ABCA13: variants seen among roughly 807,000 people sequenced by gnomAD.
The protein encoded by ABCA13 is ATP-binding cassette sub-family A member 13.
A neutral mutation model predicts 478.7 loss-of-function variants in ABCA13; 476 were observed. The observed-to-expected ratio is 0.99, with a 90% CI of 0.92 to 1.07. The LOEUF is 1.07. Ranked by LOEUF, ABCA13 falls within the 50% of genes least tolerant of loss-of-function variation. The pLI is 0.00. For missense variants in ABCA13, 6,060 were observed against 5,910.6 expected (o/e 1.03, Z -0.83); for synonymous variants, 2,252 against 2,158.9 (o/e 1.04, Z -1.20).
chr7:48,511,396 G>A (rs1329020462), intron 51 of ABCA13, among the ~76,000 whole-genome samples, 197 bp downstream of exon 51: 1 of 152,172 alleles, frequency 6.6e-6, no homozygotes, highest in Non-Finnish European at 1.5e-5. Flanking sequence ...GGGCTGACCT[G>A]GTCGTGATGA....
intron 37 of ABCA13, among the ~76,000 whole-genome samples, chr7:48,389,448 G>T (rs923236029): frequency 6.6e-6 from 1 of 152,096 alleles, no homozygotes; most frequent in Non-Finnish European, 1.5e-5. Context: ...TCAGTCAAAG[G>T]GGTAGTGGTG....
At chr7:48,335,132 G>T (rs564782673) in intron 27 of ABCA13, among the ~76,000 whole-genome samples, 1 of 152,298 alleles carries the variant, frequency 6.6e-6, no homozygotes, top group South Asian at 2.1e-4. Flanking sequence ...GATTAATTTG[G>T]TCAGTATATA....
intron 29 of ABCA13, 79 bp from the exon 30 acceptor site, chr7:48,350,564 G>T: frequency 7.3e-7 from 1 of 1,378,564 alleles, no homozygotes; most frequent in Non-Finnish European, 9.7e-7. Context: ...AAATCCATTT[G>T]CACAATCTCC....
intron 31 of ABCA13, among the ~76,000 whole-genome samples, chr7:48,366,873 G>A (rs1401189801): frequency 6.6e-6 from 1 of 152,102 alleles, no homozygotes; most frequent in African/African-American, 2.4e-5. Flanking sequence ...AGCAATCTCT[G>A]TGTTTATTGG....
chr7:48,572,975 A>G (rs1267962528), intron 55 of ABCA13, among the ~76,000 whole-genome samples: 3 of 152,084 alleles, frequency 2.0e-5, no homozygotes, highest in Non-Finnish European at 4.4e-5. Context: ...GGATTTTTCT[A>G]TTCCATCTAA....
intron 37 of ABCA13, among the ~76,000 whole-genome samples, chr7:48,390,826 T>G (rs533643184): frequency 6.6e-6 from 1 of 152,238 alleles, no homozygotes; most frequent in African/African-American, 2.4e-5. Flanking sequence ...AGCTTCTTTA[T>G]GTTTTCATCC....
intron 2 of ABCA13, among the ~76,000 whole-genome samples, chr7:48,197,424 C>T (rs986948291): frequency 1.3e-5 from 2 of 152,074 alleles, no homozygotes. Context: ...AACATTTGAC[C>T]TGGAGTCAAA....
At chr7:48,268,656 A>C (rs1230993635) in intron 15 of ABCA13, among the ~76,000 whole-genome samples, 1 of 152,048 alleles carries the variant, frequency 6.6e-6, no homozygotes, top group East Asian at 1.9e-4. Flanking sequence ...CAGCACGTCC[A>C]CTGGACTCTG....
chr7:48,524,097 G>A, intron 53 of ABCA13, 151 bp from the exon 54 acceptor site: 2 of 582,502 alleles, frequency 3.4e-6, no homozygotes, highest in Non-Finnish European at 2.9e-6. Flanking sequence ...AATCAGGATG[G>A]CAGAACTGGG....
intron 49 of ABCA13, among the ~76,000 whole-genome samples, chr7:48,507,079 C>G (rs1831278754): frequency 6.6e-6 from 1 of 152,188 alleles, no homozygotes; most frequent in Non-Finnish European, 1.5e-5. Context: ...CAGGAAGCAC[C>G]GGTTGGGTTG....
At chr7:48,524,660 A>G (rs562462144) in intron 54 of ABCA13, among the ~76,000 whole-genome samples, 1 of 152,170 alleles carries the variant, frequency 6.6e-6, no homozygotes, top group Admixed American at 6.6e-5. Flanking sequence ...ATTTTGTTTT[A>G]TAATGTTAAA....
intron 1 of ABCA13, among the ~76,000 whole-genome samples, chr7:48,172,759 C>T (rs191038019): frequency 7.7e-6 from 1 of 130,542 alleles, no homozygotes; most frequent in Admixed American, 9.2e-5. Flanking sequence ...GATCGCGCCA[C>T]TGCACTCCAG....
chr7:48,193,075 C>T lies in ABCA13; in HGVS notation c.163+23C>T, dbSNP rs772387525. On this transcript the variant is annotated intron_variant, in intron 2 of 61. Transcript: ENST00000435803. ...TTTGTAAGTTTCACTTTTTAATATA[C>T]TTTTTGAATTAACCTTTGGAGAAAA... 4.6e-5 allele frequency: 68 copies of T among 1,481,134 alleles called. No homozygotes were observed. The Middle Eastern group carries it at 5.1e-4, about 11-fold the overall frequency. The allele number at this position is 1,481,134 out of a possible 1,614,324, so 91.7% of individuals were successfully genotyped here. A position where few individuals can be genotyped will look rare whatever the true frequency, so the allele number is the denominator to read the frequency against.
intron 37 of ABCA13, 39 bp downstream of exon 37, chr7:48,389,259 G>T: frequency 6.4e-7 from 1 of 1,568,992 alleles, no homozygotes; most frequent in South Asian, 1.2e-5. Context: ...CTGGGCATTT[G>T]ATTCTTAAAA....
chr7:48,191,677 G>A (rs966726668), intron 1 of ABCA13, among the ~76,000 whole-genome samples: 1 of 152,102 alleles, frequency 6.6e-6, no homozygotes, highest in Admixed American at 6.6e-5. Flanking sequence ...CAGAGTGTTG[G>A]GATTACAGGT....
At chr7:48,615,842 A>T (rs565497402) in intron 59 of ABCA13, among the ~76,000 whole-genome samples, 1 of 152,170 alleles carries the variant, frequency 6.6e-6, no homozygotes, top group Non-Finnish European at 1.5e-5. Context: ...GAGGGTTGTT[A>T]TGGTTGCTTT....
intron 55 of ABCA13, among the ~76,000 whole-genome samples, chr7:48,562,079 G>A (rs1287713518): frequency 6.7e-6 from 1 of 150,216 alleles, no homozygotes; most frequent in Non-Finnish European, 1.5e-5. Context: ...TGTGAGCCGG[G>A]GTTCAGAGGA....
chr7:48,176,766 G>A (rs1794939991), intron 1 of ABCA13, among the ~76,000 whole-genome samples: 1 of 152,088 alleles, frequency 6.6e-6, no homozygotes, highest in Non-Finnish European at 1.5e-5. Flanking sequence ...GGGCTAGGTA[G>A]GGAGCTTTCC....
chr7:48,614,991 A>T (rs1040413257), intron 58 of ABCA13, among the ~76,000 whole-genome samples: 1 of 150,358 alleles, frequency 6.7e-6, no homozygotes, highest in Non-Finnish European at 1.5e-5. Flanking sequence ...CATATGTAAC[A>T]AACCTGCACA....
Sources: gnomAD v4.1 joint callset for allele counts (sites outside exome capture counted in the v4.1 genomes callset) on GRCh38, gnomAD v4.1.1 for gene constraint, MANE v1.5 for transcripts, NCBI Gene and HGNC (gene_info 2026-07-23, HGNC 2026-07-21) for gene names.